Variants in INSC observed in about 807,000 individuals in gnomAD.
The protein encoded by INSC is protein inscuteable homolog.
A neutral mutation model predicts 58.6 loss-of-function variants in INSC; 67 were observed. That is an observed-to-expected ratio of 1.14 (90% CI 0.94 to 1.40). INSC has a LOEUF of 1.40. INSC is among the 40% of genes most tolerant of loss of function. The pLI is 0.00. For synonymous variants in INSC, 262 were observed against 276.1 expected (o/e 0.95, Z 0.51); for missense variants, 714 against 692.0 (o/e 1.03, Z -0.36).
At chr11:15,243,758 T>TA (rs1344459833) in intron 12 of INSC, among the ~76,000 whole-genome samples, 1 of 152,116 alleles carries the variant, frequency 6.6e-6, no homozygotes, top group African/African-American at 2.4e-5. Context: ...CCCCTCTTTT[T>TA]ATCACCATAA....
intron 2 of INSC, among the ~76,000 whole-genome samples, chr11:15,156,846 A>G (rs780463197): frequency 6.6e-6 from 1 of 152,210 alleles, no homozygotes; most frequent in Non-Finnish European, 1.5e-5. Flanking sequence ...GAAATATAGT[A>G]GGAAGAACAC....
At chr11:15,235,700 G>A (rs369300538) in intron 10 of INSC, 32 bp downstream of exon 10, 3 of 1,543,566 alleles carry the variant, frequency 1.9e-6, no homozygotes, top group African/African-American at 2.7e-5. Flanking sequence ...CATGTTATGT[G>A]GATTATCTGG....
chr11:15,212,580 A>G (rs184704182), intron 7 of INSC, among the ~76,000 whole-genome samples: 1 of 152,236 alleles, frequency 6.6e-6, no homozygotes, highest in Non-Finnish European at 1.5e-5. Context: ...CATCTTGCAC[A>G]TCTTTTTTAG....
At chr11:15,268,053 C>A in the INSC span, among the ~76,000 whole-genome samples, 1 of 151,986 alleles carries the variant, frequency 6.6e-6, no homozygotes, top group South Asian at 2.1e-4. Context: ...TGCCTGCATT[C>A]CACCTCCTTG....
intron 6 of INSC, 32 bp downstream of exon 6, chr11:15,190,846 G>T (rs1379513165): frequency 6.8e-7 from 1 of 1,469,890 alleles, no homozygotes; most frequent in Non-Finnish European, 9.5e-7. Context: ...CAAAATGGCA[G>T]GCCTGGGGAA....
chr11:15,159,107 G>A (rs529721546), intron 2 of INSC, among the ~76,000 whole-genome samples: 1 of 152,298 alleles, frequency 6.6e-6, no homozygotes, highest in Admixed American at 6.5e-5. Flanking sequence ...AGAGCTGCCA[G>A]TGCAGCCCCA....
chr11:15,153,209 T>C (rs1848706055), intron 2 of INSC, among the ~76,000 whole-genome samples: 1 of 152,234 alleles, frequency 6.6e-6, no homozygotes, highest in Non-Finnish European at 1.5e-5. Context: ...AGGCCTGGAT[T>C]TGTAGCAAGT....
intron 2 of INSC, among the ~76,000 whole-genome samples, 190 bp from the exon 3 acceptor site, chr11:15,175,551 T>C (rs1849541713): frequency 6.6e-6 from 1 of 152,204 alleles, no homozygotes; most frequent in Non-Finnish European, 1.5e-5. Context: ...CCCTTAAAAC[T>C]TTATGCTTCA....
chr11:15,185,383 A>G (rs1319833966), intron 5 of INSC, among the ~76,000 whole-genome samples: 1 of 152,154 alleles, frequency 6.6e-6, no homozygotes, highest in Non-Finnish European at 1.5e-5. Context: ...AAAAATGATA[A>G]AAAGCCTCAT....
upstream of INSC, among the ~76,000 whole-genome samples, chr11:15,113,671 G>A (rs1187627069): frequency 4.6e-5 from 7 of 152,294 alleles, no homozygotes; most frequent in East Asian, 1.4e-3. Flanking sequence ...GATGACTGGA[G>A]GGTAGAGTTG....
At chr11:15,124,679 A>G (rs1442034118) in intron 1 of INSC, among the ~76,000 whole-genome samples, 2 of 152,160 alleles carry the variant, frequency 1.3e-5, no homozygotes, top group East Asian at 3.9e-4. Context: ...CCATCCCCAT[A>G]GAAGCTGTTC....
At chr11:15,118,038 C>T (rs549183891) in intron 1 of INSC, among the ~76,000 whole-genome samples, 6 of 152,362 alleles carry the variant, frequency 3.9e-5, no homozygotes, top group Middle Eastern at 3.4e-3. Context: ...GCAGCCACCC[C>T]TTCCTCATGT....
At chr11:15,213,591 A>G (rs1397486522) in intron 7 of INSC, among the ~76,000 whole-genome samples, 1 of 152,192 alleles carries the variant, frequency 6.6e-6, no homozygotes, top group African/African-American at 2.4e-5. Flanking sequence ...TCATCTGCCT[A>G]ACAGGGAAAT....
intron 2 of INSC, among the ~76,000 whole-genome samples, chr11:15,159,208 T>C (rs1218813815): frequency 1.3e-5 from 2 of 152,096 alleles, no homozygotes; most frequent in Admixed American, 1.3e-4. Flanking sequence ...AGCCAGGGCA[T>C]GGTGGAGGCA....
rs1325464480 is a variant in INSC at position 15,123,381 on chromosome 11, T to C, written c.-46+8378T>C. On this transcript the variant is annotated intron_variant, in intron 1 of 12. Transcript: ENST00000379556. ...CGTTACTTTATCCTAGCAGGTATCA[T>C]GGTACCATGTTACTGACACATGCCA... 2.6e-5 allele frequency among the ~76,000 whole-genome samples: 4 copies of C among 152,342 alleles called. No homozygotes were observed. The East Asian group carries it at 7.7e-4, about 29-fold the overall frequency.
intron 6 of INSC, among the ~76,000 whole-genome samples, chr11:15,200,153 TCACACACACACACA>T (rs57120673): frequency 1.0e-4 from 15 of 146,938 alleles, no homozygotes; most frequent in Middle Eastern, 7.0e-3. Flanking sequence ...AAGGGTTATA[TCACACACACACACA>T]CACACACACA....
chr11:15,174,299 C>G (rs556636639), intron 2 of INSC, among the ~76,000 whole-genome samples: 1 of 152,148 alleles, frequency 6.6e-6, no homozygotes. Context: ...TCCTCTGATC[C>G]TCTTATTTTA....
the INSC span, among the ~76,000 whole-genome samples, chr11:15,261,452 A>G: frequency 6.6e-6 from 1 of 152,184 alleles, no homozygotes; most frequent in Non-Finnish European, 1.5e-5. Context: ...TTGACCACAT[A>G]AACTCCATAA....
At chr11:15,267,437 G>C in the INSC span, among the ~76,000 whole-genome samples, 1 of 151,470 alleles carries the variant, frequency 6.6e-6, no homozygotes, top group Non-Finnish European at 1.5e-5. Context: ...CCCAGTTTTT[G>C]TTAAAATTTT....
Sources: gnomAD v4.1 joint callset for allele counts (sites outside exome capture counted in the v4.1 genomes callset) on GRCh38, gnomAD v4.1.1 for gene constraint, MANE v1.5 for transcripts, NCBI Gene and HGNC (gene_info 2026-07-23, HGNC 2026-07-21) for gene names.